GRID2: variants seen among roughly 807,000 people sequenced by gnomAD.
The protein encoded by GRID2 is glutamate ionotropic receptor delta type subunit 2.
In GRID2, 33 loss-of-function variants were observed where a neutral mutation model predicts 114.8. The observed-to-expected ratio is 0.29, with a 90% CI of 0.22 to 0.38. The LOEUF (loss-of-function observed/expected upper bound fraction) is 0.38. Among genes scored for constraint, GRID2 ranks in the 10% least tolerant of loss-of-function variants. The pLI, the probability that GRID2 is intolerant of heterozygous loss-of-function variation, is 1.00. For synonymous variants in GRID2, 505 were observed against 449.9 expected (o/e 1.12, Z -1.55); for missense variants, 1,184 against 1,257.7 (o/e 0.94, Z 0.89).
At chr4:93,119,761 C>T (rs924106356) in intron 4 of GRID2, among the ~76,000 whole-genome samples, 33 of 152,050 alleles carry the variant, frequency 2.2e-4, no homozygotes, top group African/African-American at 6.3e-4. Context: ...TGCAGCTTCC[C>T]AAAAATAAGC....
In GRID2 at chr4:93,612,458, C is replaced by G. The variant is rs1162371814; in HGVS notation, c.2194-13811C>G. Among the ~76,000 whole-genome samples the G allele has an allele frequency of 1.1e-3, 140 of 133,144 alleles. 3 individuals are homozygous for G. The highest frequency in any genetic ancestry group is 3.7e-3 in the African/African-American group (131 of 35,096). The allele number at this position is 133,144 out of a possible 152,430, so 87.3% of individuals were successfully genotyped here. A position where few individuals can be genotyped will look rare whatever the true frequency, so the allele number is the denominator to read the frequency against. ...TTTGCAGCGGCTGGTACCGGTTGTT[C>G]CTTTCCATGTTTAGCGCTTCCTTCA... On this transcript the variant is annotated intron_variant, in intron 13 of 15. Transcript: ENST00000282020.
intron 14 of GRID2, among the ~76,000 whole-genome samples, chr4:93,740,415 T>C (rs767544055): frequency 2.6e-5 from 4 of 152,204 alleles, no homozygotes; most frequent in Admixed American, 6.5e-5. Context: ...TTTTGGGAAC[T>C]GACTTACCCA....
chr4:92,885,282 C>T (rs1389205602), intron 2 of GRID2, among the ~76,000 whole-genome samples: 1 of 152,126 alleles, frequency 6.6e-6, no homozygotes, highest in Non-Finnish European at 1.5e-5. Flanking sequence ...GTTTGATCTT[C>T]CTTTGCCACT....
At position 93,397,484 on chromosome 4, in the gene GRID2, G is replaced by T. The variant is rs184174390; in HGVS notation, c.1347+1776G>T. ...CTTTGTTTTCCTTTGAGAAAAGAAA[G>T]CAAATCTTTAAGTCCAATTAACCTC... On this transcript the variant is annotated intron_variant, in intron 9 of 15. Coordinates refer to ENST00000282020, the MANE Select transcript of GRID2 (RefSeq NM_001510.4). 5.9e-3 allele frequency among the ~76,000 whole-genome samples: 894 copies of T among 152,104 alleles called. 7 individuals are homozygous for T. Among genetic ancestry groups the T allele is most frequent in the Non-Finnish European group, 8.8e-3 (598 of 67,928 alleles).
intron 2 of GRID2, among the ~76,000 whole-genome samples, chr4:92,640,965 T>G (rs1170741189): frequency 6.6e-6 from 1 of 151,780 alleles, no homozygotes; most frequent in African/African-American, 2.4e-5. Flanking sequence ...TAATATAAGG[T>G]GTGTGTGCAT....
intron 1 of GRID2, among the ~76,000 whole-genome samples, chr4:93,782,438 C>T (rs1221741027): frequency 6.6e-6 from 1 of 152,132 alleles, no homozygotes; most frequent in East Asian, 1.9e-4. Flanking sequence ...TAATTGTATG[C>T]TTTTAGTTCC....
chr4:93,374,950 T>C (rs920379330), intron 8 of GRID2, among the ~76,000 whole-genome samples: 4 of 152,158 alleles, frequency 2.6e-5, no homozygotes, highest in African/African-American at 9.7e-5. Context: ...AAAAGAATTT[T>C]AGTGCTTCTC....
intron 1 of GRID2, among the ~76,000 whole-genome samples, chr4:92,398,518 CA>C (rs1219821778): frequency 6.6e-6 from 1 of 151,864 alleles, no homozygotes; most frequent in African/African-American, 2.4e-5. Flanking sequence ...AAGCTGGTCT[CA>C]AACTCCTGGG....
At chr4:92,635,646 C>A (rs999558649) in intron 2 of GRID2, among the ~76,000 whole-genome samples, 1 of 151,908 alleles carries the variant, frequency 6.6e-6, no homozygotes, top group African/African-American at 2.4e-5. Flanking sequence ...TATATAATCT[C>A]CAGGGTAAAA....
chr4:93,772,062 T>C lies in GRID2; in HGVS notation c.2602-14T>C. The C allele has an allele frequency of 1.3e-6, 2 of 1,561,110 alleles. No individual in the cohort carries two copies. Among genetic ancestry groups the C allele is most frequent in the Non-Finnish European group, 1.8e-6 (2 of 1,135,052 alleles). Reference sequence around the variant, plus strand: ...TACTGATGAGAACCTTATTTTCTTTTTCTTCATCTCCAGGATGACAAGGAA... The same window carrying C: ...TACTGATGAGAACCTTATTTTCTTTCTCTTCATCTCCAGGATGACAAGGAA... On this transcript the variant is annotated splice_polypyrimidine_tract_variant and intron_variant, in intron 15 of 15. Transcript: ENST00000282020.
intron 14 of GRID2, among the ~76,000 whole-genome samples, chr4:93,765,495 C>A (rs1454970615): frequency 6.6e-6 from 1 of 151,928 alleles, no homozygotes; most frequent in South Asian, 2.1e-4. Flanking sequence ...TTCCTTCTTT[C>A]CCCTCGATGA....
intron 1 of GRID2, among the ~76,000 whole-genome samples, chr4:92,528,925 T>TA (rs1725176794): frequency 6.6e-6 from 1 of 151,108 alleles, no homozygotes. Context: ...GTGGGACTGG[T>TA]AAAAAGTCTT....
At chr4:92,917,299 A>G (rs939495347) in intron 2 of GRID2, among the ~76,000 whole-genome samples, 1 of 152,012 alleles carries the variant, frequency 6.6e-6, no homozygotes, top group South Asian at 2.1e-4. Flanking sequence ...ATTTTCTCCC[A>G]TTCTGTAGGT....
chr4:92,408,904 A>G (rs1731161827), intron 1 of GRID2, among the ~76,000 whole-genome samples: 1 of 152,138 alleles, frequency 6.6e-6, no homozygotes, highest in Non-Finnish European at 1.5e-5. Context: ...ATAGAATCAT[A>G]TCATTGAAAA....
At chr4:92,812,156 A>G (rs1374707817) in intron 2 of GRID2, among the ~76,000 whole-genome samples, 2 of 152,174 alleles carry the variant, frequency 1.3e-5, no homozygotes, top group African/African-American at 4.8e-5. Flanking sequence ...TGATTTTCAA[A>G]TAAATATGTG....
intron 11 of GRID2, among the ~76,000 whole-genome samples, chr4:93,481,723 T>G (rs1482235447): frequency 6.6e-6 from 1 of 152,086 alleles, no homozygotes; most frequent in South Asian, 2.1e-4. Context: ...CATCAATATG[T>G]GCTACAGAGA....
At chr4:93,323,011 A>T (rs941445394) in intron 8 of GRID2, among the ~76,000 whole-genome samples, 2 of 152,084 alleles carry the variant, frequency 1.3e-5, no homozygotes, top group Non-Finnish European at 2.9e-5. Flanking sequence ...GTTCACTCTG[A>T]TGGTAGTTTC....
chr4:92,384,059 G>A (rs1729749499), intron 1 of GRID2, among the ~76,000 whole-genome samples: 1 of 151,632 alleles, frequency 6.6e-6, no homozygotes, highest in Admixed American at 6.6e-5. Context: ...ATTCTAGTTT[G>A]GCTGACAATG....
At chr4:93,143,019 G>A (rs1735906541) in intron 4 of GRID2, among the ~76,000 whole-genome samples, 1 of 152,190 alleles carries the variant, frequency 6.6e-6, no homozygotes. Flanking sequence ...CAACACAGTT[G>A]AGAAATCTGT....
Sources: gnomAD v4.1 joint callset for allele counts (sites outside exome capture counted in the v4.1 genomes callset) on GRCh38, gnomAD v4.1.1 for gene constraint, MANE v1.5 for transcripts, NCBI Gene and HGNC (gene_info 2026-07-23, HGNC 2026-07-21) for gene names.